KCNB2: variants seen among roughly 807,000 people sequenced by gnomAD.
The protein encoded by KCNB2 is potassium voltage-gated channel subfamily B member 2, also known as delayed rectifier potassium channel protein.
Under a neutral mutation model 61.5 loss-of-function variants are expected in KCNB2, and 15 were observed. That is an observed-to-expected ratio of 0.24 (90% CI 0.16 to 0.38). The LOEUF (loss-of-function observed/expected upper bound fraction) is 0.38. KCNB2 is among the 10% of genes least tolerant of loss of function. The pLI is 1.00. For missense variants in KCNB2, 828 were observed against 1,125.2 expected (o/e 0.74, Z 3.78); for synonymous variants, 457 against 446.0 (o/e 1.02, Z -0.31).
chr8:72,896,979 G>A (rs1404952094), intron 2 of KCNB2, among the ~76,000 whole-genome samples: 1 of 152,090 alleles, frequency 6.6e-6, no homozygotes, highest in Non-Finnish European at 1.5e-5. Flanking sequence ...AATTGGAATA[G>A]TCTTATGGAA....
At chr8:72,825,665 C>T (rs1275000335) in intron 2 of KCNB2, among the ~76,000 whole-genome samples, 3 of 152,180 alleles carry the variant, frequency 2.0e-5, no homozygotes, top group Non-Finnish European at 4.4e-5. Flanking sequence ...AGCATCTTTT[C>T]ATGTGCTTAC....
At chr8:72,560,057 C>T (rs1333943726) in intron 1 of KCNB2, among the ~76,000 whole-genome samples, 1 of 152,148 alleles carries the variant, frequency 6.6e-6, no homozygotes, top group South Asian at 2.1e-4. Flanking sequence ...AGAGACTTCT[C>T]AGTATTTGAG....
intron 2 of KCNB2, among the ~76,000 whole-genome samples, chr8:72,697,382 C>G (rs891236578): frequency 2.0e-5 from 3 of 152,132 alleles, no homozygotes; most frequent in African/African-American, 4.8e-5. Flanking sequence ...TATGTCTTTT[C>G]ATTACCTAAT....
At chr8:72,650,262 T>G (rs1806193030) in intron 2 of KCNB2, among the ~76,000 whole-genome samples, 1 of 152,176 alleles carries the variant, frequency 6.6e-6, no homozygotes, top group Non-Finnish European at 1.5e-5. Context: ...TCCAGATTTC[T>G]TAACTACCTT....
chr8:72,799,416 A>T (rs1027385723), intron 2 of KCNB2, among the ~76,000 whole-genome samples: 3 of 152,266 alleles, frequency 2.0e-5, no homozygotes, highest in Non-Finnish European at 4.4e-5. Flanking sequence ...ATTATTTTTT[A>T]TTATTATTAT....
At chr8:72,751,243 C>G (rs1232898361) in intron 2 of KCNB2, 1 of 152,134 alleles carries the variant, frequency 6.6e-6, no homozygotes, top group African/African-American at 2.4e-5. Context: ...AAGCCAGACT[C>G]ACAACAATCA....
intron 1 of KCNB2, among the ~76,000 whole-genome samples, chr8:72,564,280 C>G (rs1806588558): frequency 6.6e-6 from 1 of 152,122 alleles, no homozygotes; most frequent in Admixed American, 6.5e-5. Context: ...CACACCATGC[C>G]TTTGCCACAA....
intron 2 of KCNB2, among the ~76,000 whole-genome samples, chr8:72,785,083 A>C (rs559812058): frequency 6.6e-6 from 1 of 152,308 alleles, no homozygotes. Context: ...TATTTTCAAC[A>C]TAAAGGGAAT....
chr8:72,931,137 G>C (rs1806774419), intron 2 of KCNB2, among the ~76,000 whole-genome samples: 1 of 152,154 alleles, frequency 6.6e-6, no homozygotes, highest in Admixed American at 6.6e-5. Context: ...TGAGGGCTCT[G>C]TTCTGTTCCA....
intron 2 of KCNB2, among the ~76,000 whole-genome samples, chr8:72,722,223 G>A (rs1407351446): frequency 2.6e-5 from 4 of 152,116 alleles, no homozygotes; most frequent in African/African-American, 9.7e-5. Context: ...CAACCTTCCT[G>A]CACATTCTCT....
chr8:72,832,799 A>C (rs1809720298), intron 2 of KCNB2, among the ~76,000 whole-genome samples: 1 of 152,208 alleles, frequency 6.6e-6, no homozygotes, highest in Non-Finnish European at 1.5e-5. Flanking sequence ...GAGAAGGCCA[A>C]GTGACACCTA....
chr8:72,543,463 A>C (rs1490804438), intron 1 of KCNB2, among the ~76,000 whole-genome samples: 1 of 152,228 alleles, frequency 6.6e-6, no homozygotes, highest in African/African-American at 2.4e-5. Flanking sequence ...AAATAAGAGC[A>C]AAATAAATAT....
chr8:72,652,668 GACCGGT>G (rs1428376594), intron 2 of KCNB2, among the ~76,000 whole-genome samples: 49 of 152,066 alleles, frequency 3.2e-4, no homozygotes, highest in Non-Finnish European at 1.6e-4. Context: ...AGGGCTTAAT[GACCGGT>G]ACCCTTTCTG....
intron 2 of KCNB2, among the ~76,000 whole-genome samples, chr8:72,579,573 C>T (rs1234440493): frequency 6.6e-6 from 1 of 152,182 alleles, no homozygotes; most frequent in Non-Finnish European, 1.5e-5. Flanking sequence ...TCTGCCCTCC[C>T]TTAATCCGTG....
At chr8:72,706,774 T>A (rs1197619907) in intron 2 of KCNB2, among the ~76,000 whole-genome samples, 1 of 152,236 alleles carries the variant, frequency 6.6e-6, no homozygotes, top group Non-Finnish European at 1.5e-5. Flanking sequence ...CACAAATTTC[T>A]TAAAAATAAC....
chr8:72,637,042 G>A (rs1205123014), intron 2 of KCNB2, among the ~76,000 whole-genome samples: 1 of 152,100 alleles, frequency 6.6e-6, no homozygotes, highest in African/African-American at 2.4e-5. Flanking sequence ...GTGTAAATTT[G>A]CCAAGCAAGC....
chr8:72,603,796 T>G lies in KCNB2; in HGVS notation c.579+35483T>G, dbSNP rs146526266. On this transcript the variant is annotated intron_variant, in intron 2 of 2. Transcript: ENST00000523207. ...GCCTCTTACTCCAAACTTGCTCGTA[T>G]CCTTATAAGAAAAAAATTCAGAGGC... Among the ~76,000 whole-genome samples the G allele has an allele frequency of 4.5e-3, 683 of 152,166 alleles. 8 individuals are homozygous for G. The highest frequency in any genetic ancestry group is 0.015 in the African/African-American group (625 of 41,502).
intron 2 of KCNB2, among the ~76,000 whole-genome samples, chr8:72,703,201 C>G (rs1807163663): frequency 6.6e-6 from 1 of 152,164 alleles, no homozygotes. Flanking sequence ...AATTGGGAGG[C>G]AGGAGTTTAA....
chr8:72,845,953 C>G (rs1436858714), intron 2 of KCNB2, among the ~76,000 whole-genome samples: 1 of 150,016 alleles, frequency 6.7e-6, no homozygotes, highest in Non-Finnish European at 1.5e-5. Context: ...GTGAACAGTT[C>G]TGTCTTTCTG....
Sources: allele counts gnomAD v4.1 joint callset (sites outside exome capture counted in the v4.1 genomes callset), GRCh38; gene constraint gnomAD v4.1.1; transcripts MANE v1.5; gene names NCBI Gene and HGNC (gene_info 2026-07-23, HGNC 2026-07-21).